The following JOSD1 variants were observed in gnomAD, a reference collection of about 807,000 sequenced individuals.
JOSD1 encodes the protein Josephin domain containing 1, also known as josephin-1.
A neutral mutation model predicts 24.3 loss-of-function variants in JOSD1; 11 were observed. The ratio of observed to expected loss-of-function variants is 0.45; its 90% CI spans 0.29 to 0.75. JOSD1 has a LOEUF of 0.75. JOSD1 is among the 30% of genes least tolerant of loss of function. The pLI is 0.11. For missense variants in JOSD1, 184 were observed against 253.5 expected (o/e 0.73, Z 1.86); for synonymous variants, 106 against 93.8 (o/e 1.13, Z -0.75).
At chr22:38,690,434 GCT>G (rs1313405766) in intron 2 of JOSD1, among the ~76,000 whole-genome samples, 5 of 150,918 alleles carry the variant, frequency 3.3e-5, no homozygotes, top group African/African-American at 1.2e-4. Flanking sequence ...TCGGAGTCTT[GCT>G]CTGTCGCCCA....
chr22:38,700,277 T>C lies in JOSD1; in HGVS notation c.-290A>G. 3 of 1,060,686 alleles carry C rather than the reference T, an allele frequency of 2.8e-6. No homozygotes were observed. Among genetic ancestry groups the C allele is most frequent in the Non-Finnish European group, 3.4e-6 (3 of 876,894 alleles). 65.7% of individuals were successfully genotyped at this position (1,060,686 alleles called of 1,614,324 possible). A position where few individuals can be genotyped will look rare whatever the true frequency, so the allele number is the denominator to read the frequency against. ...CATAAAATGTAAGACCTTGTTTCCG[T>C]TTCCCCACCCTTCCCTCCCACCCCC... On this transcript the variant is annotated 5_prime_UTR_variant, in exon 2 of 5. Transcript: ENST00000683374.
At chr22:38,694,077 A>G (rs961157619) in intron 2 of JOSD1, among the ~76,000 whole-genome samples, 8 of 152,224 alleles carry the variant, frequency 5.3e-5, no homozygotes, top group Admixed American at 2.0e-4. Flanking sequence ...AGGCAATTTG[A>G]ATACAGGAAA....
At position 38,687,877 on chromosome 22, in the gene JOSD1, G is replaced by A. The variant is rs369999950; in HGVS notation, c.*25C>T. The A allele has an allele frequency of 4.7e-5, 71 of 1,523,762 alleles. No individual in the cohort carries two copies. In the Middle Eastern group the frequency reaches 3.0e-3, roughly 65 times the overall value. 94.4% of individuals were successfully genotyped at this position (1,523,762 alleles called of 1,614,324 possible). ...GTCACAGAGGACTGAAGGGGCTGAG[G>A]CGAGAGGGAGGTTGGGCAGAACTGT... On this transcript the variant is annotated 3_prime_UTR_variant, in exon 5 of 5. Coordinates refer to ENST00000683374, the MANE Select transcript of JOSD1 (RefSeq NM_001360236.2).
At position 38,699,886 on chromosome 22, in the gene JOSD1, C is replaced by T; in HGVS notation, c.102G>A (p.Glu34=). 1.2e-6 allele frequency: 2 copies of T among 1,614,220 alleles called. No individual in the cohort carries two copies. The highest frequency in any genetic ancestry group is 1.7e-6 in the Non-Finnish European group (2 of 1,180,030). Residue 34 remains glutamate (E), a synonymous_variant, in exon 2 of 5, where the codon GAG becomes GAA. Coordinates refer to ENST00000683374, the MANE Select transcript of JOSD1 (RefSeq NM_001360236.2). ...TATTGAGGGCGTGGAGGGCACAAAG[C>T]TCCCTGCGCTGTTTCTCATGGTAGA... The part of the protein sequence containing the change: ...PQIYHEKQRR[E]LCALHALNNV...
At chr22:38,692,781 CAAAAAAAAAAAAAAAA>C (rs61214432) in intron 2 of JOSD1, among the ~76,000 whole-genome samples, 1 of 45,026 alleles carries the variant, frequency 2.2e-5, no homozygotes, top group Non-Finnish European at 4.8e-5. Context: ...AACTCTGTCT[CAAAAAAAAAAAAAAAA>C]AAAAAAAAGA....
intron 2 of JOSD1, among the ~76,000 whole-genome samples, chr22:38,691,447 C>T (rs2092521903): frequency 6.6e-6 from 1 of 151,956 alleles, no homozygotes; most frequent in African/African-American, 2.4e-5. Context: ...GCACCTAAAG[C>T]ACTTAAATAC....
chr22:38,697,020 T>C (rs1388914368), intron 2 of JOSD1, among the ~76,000 whole-genome samples: 1 of 152,258 alleles, frequency 6.6e-6, no homozygotes, highest in East Asian at 1.9e-4. Context: ...CACTTTTTAA[T>C]TGCTCTGAAT....
chr22:38,696,665 G>T (rs1189904748), intron 2 of JOSD1, among the ~76,000 whole-genome samples: 5 of 152,126 alleles, frequency 3.3e-5, no homozygotes, highest in Non-Finnish European at 7.3e-5. Flanking sequence ...TTAAACAAAT[G>T]ACCTCTTTTT....
rs2092567136 is a variant in JOSD1, at chr22:38,700,909, C to T, written c.-741G>A. On this transcript the variant is annotated 5_prime_UTR_variant, in exon 1 of 5. Coordinates refer to ENST00000683374, the MANE Select transcript of JOSD1 (RefSeq NM_001360236.2). ...GCCGCTGGCGGTCCCCTCACCGCAGCCGGCCGCCACCTGGAGTGCGCGCCG... is the reference window on the plus strand; with the variant it reads ...GCCGCTGGCGGTCCCCTCACCGCAGTCGGCCGCCACCTGGAGTGCGCGCCG... The T allele has an allele frequency of 2.0e-6, 2 of 984,416 alleles. No homozygotes were observed. The highest frequency in any genetic ancestry group is 1.1e-4 in the East Asian group (1 of 8,816). The allele number at this position is 984,416 out of a possible 1,614,324, so 61.0% of individuals were successfully genotyped here.
chr22:38,699,817 T>C lies in JOSD1; in HGVS notation c.171A>G (p.Gln57=), dbSNP rs750417680. The C allele has an allele frequency of 6.2e-7, 1 of 1,614,168 alleles. No individual in the cohort carries two copies. The highest frequency in any genetic ancestry group is 8.5e-7 in the Non-Finnish European group (1 of 1,180,012). The part of the protein sequence containing the change: ...DSNAFTRDTL[Q]EIFQRLSPNT... ...GGGTCCCCTACCTCTGGAAAATCTC[T>C]TGCAGCGTATCCCGGGTGAAGGCAT... The change falls in exon 2 of 5, where the codon CAA becomes CAG. Residue 57 remains glutamine (Q), a synonymous_variant. Coordinates refer to ENST00000683374, the MANE Select transcript of JOSD1 (RefSeq NM_001360236.2).
chr22:38,688,925 T>G lies in JOSD1; in HGVS notation c.509+10A>C, dbSNP rs146704519. The stretch of plus-strand genomic sequence containing the variant: ...AGCCTAGCAACTTAGTCACAAAAGG[T>G]GCCGATTACCTGAGCTCGCTCTCGC... On this transcript the variant is annotated intron_variant, in intron 4 of 4. Coordinates refer to ENST00000683374, the MANE Select transcript of JOSD1 (RefSeq NM_001360236.2). The G allele has an allele frequency of 4.1e-4, 664 of 1,607,600 alleles. 3 individuals are homozygous for G. The African/African-American group carries it at 7.4e-3, about 18-fold the overall frequency.
At chr22:38,695,762 T>C (rs979625574) in intron 2 of JOSD1, among the ~76,000 whole-genome samples, 12 of 151,534 alleles carry the variant, frequency 7.9e-5, no homozygotes, top group Non-Finnish European at 1.6e-4. Context: ...TAAATTTTAA[T>C]ATTAAATATC....
chr22:38,692,150 TATG>T (rs1385967447), intron 2 of JOSD1, among the ~76,000 whole-genome samples: 3 of 152,228 alleles, frequency 2.0e-5, no homozygotes, highest in East Asian at 1.9e-4. Context: ...TGCCAAGCAC[TATG>T]ATAAGGTACT....
intron 4 of JOSD1, among the ~76,000 whole-genome samples, chr22:38,688,552 C>T (rs868172107): frequency 1.3e-5 from 2 of 152,192 alleles, no homozygotes; most frequent in Admixed American, 6.5e-5. Context: ...CGTGAGCAAT[C>T]GCCTCTAAAG....
At chr22:38,699,663 C>T (rs2092559369) in intron 2 of JOSD1, 140 bp downstream of exon 2, 1 of 769,922 alleles carries the variant, frequency 1.3e-6, no homozygotes, top group African/African-American at 1.7e-5. Context: ...ATTATCTTTT[C>T]ATGTCTTGTG....
intron 2 of JOSD1, among the ~76,000 whole-genome samples, chr22:38,693,378 T>C (rs1023220694): frequency 6.6e-6 from 1 of 152,212 alleles, no homozygotes; most frequent in Admixed American, 6.5e-5. Flanking sequence ...TTCCTAAAAA[T>C]TGATCACTTT....
chr22:38,693,058 G>A (rs2092530232), intron 2 of JOSD1, among the ~76,000 whole-genome samples: 1 of 152,136 alleles, frequency 6.6e-6, no homozygotes, highest in South Asian at 2.1e-4. Context: ...GAGGATCCCA[G>A]AAGGCATCCA....
chr22:38,688,121 C>A, intron 4 of JOSD1, 120 bp from the exon 5 acceptor site: 1 of 681,610 alleles, frequency 1.5e-6, no homozygotes, highest in Non-Finnish European at 2.6e-6. Flanking sequence ...TCCCTGTAGT[C>A]ATCTGGTTTT....
chr22:38,695,264 T>C (rs190958530), intron 2 of JOSD1, among the ~76,000 whole-genome samples: 272 of 152,292 alleles, frequency 1.8e-3, no homozygotes, highest in South Asian at 3.3e-3. Flanking sequence ...TTCTCAGTTA[T>C]AACCACCATA....
Sources: gnomAD v4.1 joint callset for allele counts (sites outside exome capture counted in the v4.1 genomes callset) on GRCh38, gnomAD v4.1.1 for gene constraint, MANE v1.5 for transcripts, NCBI Gene and HGNC (gene_info 2026-07-23, HGNC 2026-07-21) for gene names.